The following XRN1 variants were observed in gnomAD, a reference collection of about 807,000 sequenced individuals.
XRN1 encodes the protein strand-exchange protein 1 homolog.
In XRN1, 67 loss-of-function variants were observed where a neutral mutation model predicts 222.3. That is an observed-to-expected ratio of 0.30 (90% CI 0.25 to 0.37). The LOEUF is 0.37. Among genes scored for constraint, XRN1 ranks in the 10% least tolerant of loss-of-function variants. The pLI is 1.00. For synonymous variants in XRN1, 643 were observed against 652.4 expected (o/e 0.99, Z 0.22); for missense variants, 1,707 against 2,000.2 (o/e 0.85, Z 2.80).
intron 18 of XRN1, among the ~76,000 whole-genome samples, chr3:142,402,270 C>A (rs2068172469): frequency 6.6e-6 from 1 of 152,034 alleles, no homozygotes; most frequent in Non-Finnish European, 1.5e-5. Flanking sequence ...GCCACGTCCA[C>A]CTCCTGGGTT....
At position 142,308,623 on chromosome 3, in the gene XRN1, A is replaced by G. The variant is rs937972362; in HGVS notation, c.*2888T>C. The G allele has an allele frequency of 6.6e-6, 1 of 152,186 alleles. No homozygotes were observed. The highest frequency in any genetic ancestry group is 1.5e-5 in the Non-Finnish European group (1 of 68,020). 9.4% of individuals were successfully genotyped at this position (152,186 alleles called of 1,614,324 possible). A position where few individuals can be genotyped will look rare whatever the true frequency, so the allele number is the denominator to read the frequency against. ...TTCAAATTCTAACGCTGAGGTAATT[A>G]TTAGGTAATGCAGGAAAATGTGAAA... is the stretch of plus-strand genomic sequence containing the variant. On this transcript the variant is annotated 3_prime_UTR_variant, in exon 41 of 41. Transcript: ENST00000392981.
intron 37 of XRN1, among the ~76,000 whole-genome samples, chr3:142,328,409 A>T (rs2065580727): frequency 6.6e-6 from 1 of 152,004 alleles, no homozygotes; most frequent in African/African-American, 2.4e-5. Context: ...CCATTCAGAA[A>T]CATAATGTTT....
chr3:142,415,281 T>C (rs1043180749), intron 13 of XRN1, among the ~76,000 whole-genome samples: 7 of 152,194 alleles, frequency 4.6e-5, no homozygotes, highest in Non-Finnish European at 8.8e-5. Flanking sequence ...TGAGTCAGGA[T>C]ACCAAAAACA....
At chr3:142,432,251 T>TTATATA (rs60775404) in intron 2 of XRN1, among the ~76,000 whole-genome samples, 5 of 124,598 alleles carry the variant, frequency 4.0e-5, no homozygotes, top group African/African-American at 1.6e-4. Flanking sequence ...AAAATTTATT[T>TTATATA]TATATATATA....
chr3:142,345,345 A>G (rs548336507), intron 33 of XRN1, among the ~76,000 whole-genome samples: 61 of 152,366 alleles, frequency 4.0e-4, no homozygotes, highest in African/African-American at 1.5e-3. Flanking sequence ...GGATATCCAC[A>G]TGCAGAAGAA....
rs771072488 is a variant in XRN1, at chr3:142,347,296, T to A, written c.3815A>T (p.Lys1272Ile). The change falls in exon 33 of 41, where the codon AAA becomes ATA. Residue 1272 changes from lysine to isoleucine, a missense_variant. Around this residue, in one of 2 missense-constraint regions of XRN1, gnomAD observed 1,234 missense variants for 1,518.2 expected, o/e 0.81. Transcript: ENST00000392981. ...AACACTGTTGTCATTAAAGCCAGAT[T>A]TATGATGTTGATTTACTTGGCTTAT... ...QEISQVNQHH[K>I]SGFNDNSVKY... The A allele has an allele frequency of 1.2e-6, 2 of 1,607,570 alleles. No homozygotes were observed. Among genetic ancestry groups the A allele is most frequent in the South Asian group, 2.2e-5 (2 of 89,328 alleles).
intron 15 of XRN1, among the ~76,000 whole-genome samples, chr3:142,406,440 T>C (rs1210557542): frequency 1.3e-5 from 2 of 152,236 alleles, no homozygotes; most frequent in Non-Finnish European, 2.9e-5. Flanking sequence ...ACACTGCTCT[T>C]GGCAATAATT....
Position 142,347,342 on chromosome 3 carries a change from C to T in XRN1, c.3769G>A (p.Gly1257Ser). 2 of 1,548,440 alleles carry T rather than the reference C, an allele frequency of 1.3e-6. No individual in the cohort carries two copies. Among genetic ancestry groups the T allele is most frequent in the Non-Finnish European group, 1.7e-6 (2 of 1,151,114 alleles). ...CTTATTTCTTGAGGTAGAACTGCAC[C>T]CTGAAAATTAAAATTCTTATAAATT... ...QYFQPTIQEK[G>S]AVLPQEISQV... The change falls in exon 33 of 41, where the codon GGT becomes AGT. Residue 1257 changes from glycine to serine, a missense_variant and splice_region_variant. Transcript: ENST00000392981.
At chr3:142,334,515 A>G (rs563812881) in intron 34 of XRN1, among the ~76,000 whole-genome samples, 9 of 152,076 alleles carry the variant, frequency 5.9e-5, no homozygotes, top group African/African-American at 1.9e-4. Flanking sequence ...TAAACAGCAG[A>G]GACTATATAA....
At chr3:142,380,843 T>C (rs1026917476) in intron 22 of XRN1, among the ~76,000 whole-genome samples, 5 of 152,066 alleles carry the variant, frequency 3.3e-5, no homozygotes, top group African/African-American at 1.2e-4. Flanking sequence ...AGATGGGATT[T>C]TGCCATGTTG....
intron 29 of XRN1, among the ~76,000 whole-genome samples, 173 bp from the exon 30 acceptor site, chr3:142,360,104 G>A (rs1320049758): frequency 6.6e-6 from 1 of 152,102 alleles, no homozygotes; most frequent in East Asian, 1.9e-4. Context: ...TATAAGCTAA[G>A]AAACAGAATA....
intron 37 of XRN1, among the ~76,000 whole-genome samples, chr3:142,327,506 G>C (rs1242916554): frequency 6.7e-6 from 1 of 150,116 alleles, no homozygotes; most frequent in Non-Finnish European, 1.5e-5. Context: ...TCCGGCTAAA[G>C]GTTTGTTGAT....
At chr3:142,345,026 T>C (rs566901218) in intron 33 of XRN1, among the ~76,000 whole-genome samples, 1 of 152,322 alleles carries the variant, frequency 6.6e-6, no homozygotes, top group South Asian at 2.1e-4. Flanking sequence ...CAAGACTGTG[T>C]ATTTCACATA....
At chr3:142,444,596 G>A (rs1034249269) in intron 1 of XRN1, among the ~76,000 whole-genome samples, 5 of 152,074 alleles carry the variant, frequency 3.3e-5, no homozygotes, top group Admixed American at 6.6e-5. Context: ...GTGACAGAGC[G>A]CGACCTTGTA....
At chr3:142,410,434 C>A (rs929437868) in intron 15 of XRN1, among the ~76,000 whole-genome samples, 2 of 150,938 alleles carry the variant, frequency 1.3e-5, no homozygotes, top group Non-Finnish European at 2.9e-5. Context: ...TAAAATAAAT[C>A]CCATTTGGTC....
At chr3:142,380,209 T>C (rs1272554748) in intron 22 of XRN1, 29 bp from the exon 23 acceptor site, 3 of 1,543,048 alleles carry the variant, frequency 1.9e-6, no homozygotes. Context: ...CACAGTATAG[T>C]CTCTTTCAGT....
intron 20 of XRN1, among the ~76,000 whole-genome samples, chr3:142,392,981 C>T (rs1420363520): frequency 1.3e-5 from 2 of 150,802 alleles, no homozygotes; most frequent in Non-Finnish European, 3.0e-5. Flanking sequence ...TCCTCTCCAG[C>T]ACCTGTTGTT....
At chr3:142,440,969 C>T (rs922654715) in intron 1 of XRN1, among the ~76,000 whole-genome samples, 11 of 152,208 alleles carry the variant, frequency 7.2e-5, no homozygotes, top group African/African-American at 2.4e-4. Context: ...CCTGGACACT[C>T]TTGTCCTTCG....
chr3:142,315,507 T>C (rs2065189496), intron 39 of XRN1, among the ~76,000 whole-genome samples: 1 of 144,194 alleles, frequency 6.9e-6, no homozygotes, highest in African/African-American at 2.6e-5. Context: ...AAAGATTTTC[T>C]TTTTCTTTTT....
Sources: gnomAD v4.1 joint callset for allele counts (sites outside exome capture counted in the v4.1 genomes callset) on GRCh38, gnomAD v4.1.1 for gene constraint, gnomAD v4.1.1 regional missense constraint, MANE v1.5 for transcripts, NCBI Gene and HGNC (gene_info 2026-07-23, HGNC 2026-07-21) for gene names.